Variants in GPHN observed in about 807,000 individuals in gnomAD.
The protein encoded by GPHN is gephyrin.
A neutral mutation model predicts 95.5 loss-of-function variants in GPHN; 17 were observed. That is an observed-to-expected ratio of 0.18 (90% CI 0.12 to 0.27). The LOEUF is 0.27. Ranked by LOEUF, GPHN falls within the 10% of genes least tolerant of loss-of-function variation. GPHN has a pLI of 1.00. For synonymous variants in GPHN, 320 were observed against 322.5 expected (o/e 0.99, Z 0.08); for missense variants, 660 against 978.1 (o/e 0.67, Z 4.34).
the GPHN span, chr14:67,717,775 G>A: frequency 6.6e-6 from 1 of 152,216 alleles, no homozygotes; most frequent in Non-Finnish European, 1.5e-5. Flanking sequence ...GGCTCAAAAT[G>A]TCAATAGGCT....
chr14:67,573,432 C>A, the GPHN span: 1 of 1,140,256 alleles, frequency 8.8e-7, no homozygotes, highest in Non-Finnish European at 1.3e-6. This position sits in a 1 kb window ranked among gnomAD's most constrained non-coding sequence, Gnocchi z 4.8. Context: ...GTCTCCACAT[C>A]ACACCCTGGA....
chr14:67,301,392 C>G, the GPHN span: 1 of 1,604,602 alleles, frequency 6.2e-7, no homozygotes, highest in Non-Finnish European at 8.5e-7. Context: ...TTCTTAGGTA[C>G]AAACTGTTTT....
chr14:67,400,164 T>C, the GPHN span, among the ~76,000 whole-genome samples: 34 of 152,356 alleles, frequency 2.2e-4, no homozygotes, highest in African/African-American at 8.2e-4. Flanking sequence ...AACTGAGCTT[T>C]GTGAACACTG....
chr14:66,702,286 A>G (rs908027826), intron 2 of GPHN, among the ~76,000 whole-genome samples: 1 of 152,194 alleles, frequency 6.6e-6, no homozygotes, highest in African/African-American at 2.4e-5. Context: ...CCTTCCCCCA[A>G]GGGACAATCT....
At position 66,653,245 on chromosome 14, in the gene GPHN, A is replaced by G. The variant is rs889951686; in HGVS notation, c.65-27862A>G. 2.9e-4 allele frequency among the ~76,000 whole-genome samples: 44 copies of G among 152,146 alleles called. 1 individual carries two copies. The highest frequency in any genetic ancestry group is 2.3e-3 in the Admixed American group (35 of 15,270). ...TTACTGGATATTTTGGGTTCAGTGA[A>G]GTGGGAGAGGCACTTTCTGGCTGCA... On this transcript the variant is annotated intron_variant, in intron 1 of 22. Transcript: ENST00000478722.
the GPHN span, among the ~76,000 whole-genome samples, chr14:67,235,945 C>A: frequency 6.6e-6 from 1 of 151,784 alleles, no homozygotes. Context: ...TTATGTGTGT[C>A]TTTTTAAAAT....
At chr14:67,271,548 A>T in the GPHN span, 1 of 152,248 alleles carries the variant, frequency 6.6e-6, no homozygotes, top group African/African-American at 2.4e-5. Context: ...AGGATTCCAG[A>T]GGACAGTGTA....
At chr14:67,128,418 G>A (rs962651040) in intron 17 of GPHN, among the ~76,000 whole-genome samples, 22 of 152,054 alleles carry the variant, frequency 1.4e-4, no homozygotes, top group African/African-American at 5.1e-4. Flanking sequence ...CACCGTGCCC[G>A]GCTGCTGTTT....
At chr14:67,539,166 A>G in the GPHN span, among the ~76,000 whole-genome samples, 1 of 152,222 alleles carries the variant, frequency 6.6e-6, no homozygotes, top group Non-Finnish European at 1.5e-5. Context: ...GCAAAATCCC[A>G]GTAAAGGACA....
intron 11 of GPHN, among the ~76,000 whole-genome samples, chr14:67,063,102 G>A (rs1461616098): frequency 6.6e-6 from 1 of 152,108 alleles, no homozygotes; most frequent in Non-Finnish European, 1.5e-5. Flanking sequence ...TTTGTATAAG[G>A]TATAAGGAAG....
intron 3 of GPHN, 117 bp from the exon 4 acceptor site, chr14:66,824,357 C>A: frequency 1.6e-6 from 1 of 628,428 alleles, no homozygotes. Flanking sequence ...AATTTTCTTA[C>A]TGACTGTTGA....
chr14:67,036,501 G>GCGCACACACACACACACA (rs1555469785), intron 10 of GPHN, among the ~76,000 whole-genome samples: 6 of 118,186 alleles, frequency 5.1e-5, no homozygotes, highest in East Asian at 2.7e-4. Context: ...ATACATACAT[G>GCGCACACACACACACACA]CACACACACA....
At chr14:66,887,061 G>A (rs2064232900) in intron 5 of GPHN, among the ~76,000 whole-genome samples, 1 of 152,134 alleles carries the variant, frequency 6.6e-6, no homozygotes, top group African/African-American at 2.4e-5. Context: ...TTTCAGCAGG[G>A]AAGAGGAAAG....
intron 11 of GPHN, among the ~76,000 whole-genome samples, chr14:67,077,504 CCAAA>C (rs1372037516): frequency 1.3e-5 from 2 of 152,132 alleles, no homozygotes; most frequent in Non-Finnish European, 2.9e-5. Flanking sequence ...AAATGCCCAA[CCAAA>C]CAAATTAACT....
At chr14:66,673,268 A>G (rs1207940725) in intron 1 of GPHN, among the ~76,000 whole-genome samples, 2 of 151,248 alleles carry the variant, frequency 1.3e-5, no homozygotes, top group African/African-American at 4.9e-5. Context: ...AATTTTTTGT[A>G]TTTTTAGTAG....
At chr14:66,962,039 A>G (rs866160734) in intron 8 of GPHN, among the ~76,000 whole-genome samples, 11 of 148,596 alleles carry the variant, frequency 7.4e-5, no homozygotes, top group East Asian at 1.9e-4. Context: ...AATGAAAACA[A>G]TGCAGTTGTC....
At chr14:66,629,141 TTATA>T (rs1224001282) in intron 1 of GPHN, among the ~76,000 whole-genome samples, 1 of 125,472 alleles carries the variant, frequency 8.0e-6, no homozygotes, top group Non-Finnish European at 1.6e-5. Context: ...AAATATATAT[TTATA>T]TACATATATA....
intron 1 of GPHN, among the ~76,000 whole-genome samples, chr14:66,530,897 C>T (rs1424597540): frequency 6.6e-6 from 1 of 151,760 alleles, no homozygotes; most frequent in Non-Finnish European, 1.5e-5. Context: ...CGAAGCTGTT[C>T]CTATTCGGCC....
chr14:67,331,855 CA>C, the GPHN span, among the ~76,000 whole-genome samples: 27 of 152,056 alleles, frequency 1.8e-4, no homozygotes, highest in Non-Finnish European at 2.9e-4. Context: ...TCAGTGTGTT[CA>C]GTTACAGTGG....
Sources: gnomAD v4.1 joint callset for allele counts (sites outside exome capture counted in the v4.1 genomes callset) on GRCh38, gnomAD v4.1.1 for gene constraint, Gnocchi (gnomAD v3.1) non-coding constraint, MANE v1.5 for transcripts, NCBI Gene and HGNC (gene_info 2026-07-23, HGNC 2026-07-21) for gene names.